Variants in ANKS1B observed in about 807,000 individuals in gnomAD.
ANKS1B encodes ankyrin repeat and sterile alpha motif domain containing 1B.
Under a neutral mutation model 148.3 loss-of-function variants are expected in ANKS1B, and 36 were observed. The ratio of observed to expected loss-of-function variants is 0.24; its 90% CI spans 0.19 to 0.32. The LOEUF (loss-of-function observed/expected upper bound fraction) is 0.32, where lower values mean the gene tolerates loss of function less well. Ranked by LOEUF, ANKS1B falls within the 10% of genes least tolerant of loss-of-function variation. The pLI, the probability that ANKS1B is intolerant of heterozygous loss-of-function variation, is 1.00. For synonymous variants in ANKS1B, 542 were observed against 560.8 expected (o/e 0.97, Z 0.47); for missense variants, 1,157 against 1,542.6 (o/e 0.75, Z 4.19).
intron 14 of ANKS1B, among the ~76,000 whole-genome samples, chr12:99,231,418 A>T (rs1164064376): frequency 5.3e-5 from 8 of 152,158 alleles, no homozygotes; most frequent in Non-Finnish European, 2.9e-5. Flanking sequence ...GGACTTCAGG[A>T]AAAGAAAAAT....
chr12:99,419,734 T>C (rs2095027406), intron 11 of ANKS1B, among the ~76,000 whole-genome samples: 1 of 152,146 alleles, frequency 6.6e-6, no homozygotes, highest in African/African-American at 2.4e-5. Flanking sequence ...AGTGGTAAAA[T>C]CATATCTTAC....
At chr12:99,751,022 T>A (rs1243265849) in intron 8 of ANKS1B, among the ~76,000 whole-genome samples, 2 of 152,046 alleles carry the variant, frequency 1.3e-5, no homozygotes, top group African/African-American at 4.8e-5. Context: ...TTTTAAGTTT[T>A]TAATATCCCT....
intron 17 of ANKS1B, among the ~76,000 whole-genome samples, chr12:98,933,282 C>T (rs2099815372): frequency 6.6e-6 from 1 of 152,164 alleles, no homozygotes; most frequent in South Asian, 2.1e-4. Context: ...AGCATAATGT[C>T]CTCAAGGTTC....
At chr12:99,459,957 T>C (rs1205900489) in intron 10 of ANKS1B, among the ~76,000 whole-genome samples, 1 of 152,004 alleles carries the variant, frequency 6.6e-6, no homozygotes, top group Non-Finnish European at 1.5e-5. Context: ...AAAACAAGAC[T>C]AAGCAAAAAG....
chr12:99,921,163 A>G (rs1264127878), intron 1 of ANKS1B, among the ~76,000 whole-genome samples: 5 of 152,160 alleles, frequency 3.3e-5, no homozygotes, highest in Non-Finnish European at 7.3e-5. Context: ...GTGTCGAGGA[A>G]GGACCTGTAA....
intron 1 of ANKS1B, among the ~76,000 whole-genome samples, chr12:99,960,062 C>G (rs1329014912): frequency 2.0e-5 from 3 of 151,864 alleles, no homozygotes; most frequent in Admixed American, 1.3e-4. Flanking sequence ...ACTTTATTTG[C>G]AAAAAGAACA....
intron 15 of ANKS1B, among the ~76,000 whole-genome samples, chr12:99,112,920 G>T (rs1182309224): frequency 6.6e-6 from 1 of 152,048 alleles, no homozygotes; most frequent in Non-Finnish European, 1.5e-5. Flanking sequence ...ACAGATAATG[G>T]GTTACAAAGA....
At chr12:99,782,170 C>A in intron 4 of ANKS1B, 73 bp from the exon 5 acceptor site, 1 of 1,158,012 alleles carries the variant, frequency 8.6e-7, no homozygotes, top group South Asian at 1.4e-5. Flanking sequence ...ATAAAATGCT[C>A]ACATTTTACA....
At chr12:99,089,410 A>G (rs566768873) in intron 15 of ANKS1B, among the ~76,000 whole-genome samples, 158 of 152,312 alleles carry the variant, frequency 1.0e-3, no homozygotes, top group African/African-American at 3.6e-3. Flanking sequence ...ATTGCCAAAT[A>G]TAGTTGATTC....
chr12:98,739,409 A>G (rs552819860), downstream of ANKS1B, among the ~76,000 whole-genome samples: 4 of 152,326 alleles, frequency 2.6e-5, no homozygotes, highest in African/African-American at 4.8e-5. Context: ...ATAGAAGCCA[A>G]TGGATGGGAC....
intron 16 of ANKS1B, among the ~76,000 whole-genome samples, chr12:99,060,195 AC>A (rs2153556655): frequency 1.1e-5 from 1 of 87,614 alleles, no homozygotes; most frequent in East Asian, 8.6e-4. Flanking sequence ...AGATATATTA[AC>A]ATATTTTTTT....
intron 9 of ANKS1B, among the ~76,000 whole-genome samples, chr12:98,738,289 A>G (rs2097782966): frequency 6.6e-6 from 1 of 152,236 alleles, no homozygotes; most frequent in Non-Finnish European, 1.5e-5. Flanking sequence ...TCAGGCCCCC[A>G]GAACTGGGAA....
intron 10 of ANKS1B, among the ~76,000 whole-genome samples, chr12:99,490,591 G>C (rs193298347): frequency 5.9e-5 from 9 of 152,142 alleles, no homozygotes; most frequent in Admixed American, 5.9e-4. Context: ...CCTCTGAAAG[G>C]CCAATTGAAG....
At chr12:99,646,973 C>A in intron 9 of ANKS1B, among the ~76,000 whole-genome samples, 1 of 149,536 alleles carries the variant, frequency 6.7e-6, no homozygotes, top group East Asian at 2.0e-4. Flanking sequence ...TAAAATTTAT[C>A]ATGGCTATAG....
chr12:99,511,238 T>C (rs1596113245), intron 9 of ANKS1B, among the ~76,000 whole-genome samples: 1 of 151,928 alleles, frequency 6.6e-6, no homozygotes, highest in African/African-American at 2.4e-5. Flanking sequence ...TGAAGGGATG[T>C]TGAATTTTAT....
At chr12:99,537,911 T>C (rs1351011227) in intron 9 of ANKS1B, among the ~76,000 whole-genome samples, 2 of 152,146 alleles carry the variant, frequency 1.3e-5, no homozygotes, top group Non-Finnish European at 2.9e-5. Context: ...TAAGTCTTAA[T>C]TCATTTTTAT....
chr12:99,559,275 G>A (rs1213078195), intron 9 of ANKS1B, among the ~76,000 whole-genome samples: 2 of 152,064 alleles, frequency 1.3e-5, no homozygotes, highest in Non-Finnish European at 1.5e-5. Context: ...GATCTTCATT[G>A]AGACTTCTAT....
chr12:98,759,681 T>C (rs2098354369), intron 25 of ANKS1B, among the ~76,000 whole-genome samples: 1 of 152,214 alleles, frequency 6.6e-6, no homozygotes, highest in African/African-American at 2.4e-5. Context: ...TTAAAGTGTT[T>C]AAATTTTTCA....
At chr12:99,037,307 G>A (rs903975199) in intron 17 of ANKS1B, among the ~76,000 whole-genome samples, 1 of 152,094 alleles carries the variant, frequency 6.6e-6, no homozygotes, top group Non-Finnish European at 1.5e-5. Flanking sequence ...ACGAGGTCAG[G>A]AGTTCGAGAC....
Sources: gnomAD v4.1 joint callset for allele counts (sites outside exome capture counted in the v4.1 genomes callset) on GRCh38, gnomAD v4.1.1 for gene constraint, MANE v1.5 for transcripts, NCBI Gene and HGNC (gene_info 2026-07-23, HGNC 2026-07-21) for gene names.